Variants in PCDHGA3 observed in about 807,000 individuals in gnomAD.
PCDHGA3 encodes the protein protocadherin gamma-A3.
A neutral mutation model predicts 58.5 loss-of-function variants in PCDHGA3; 40 were observed. The observed-to-expected ratio is 0.68, with a 90% CI of 0.53 to 0.89. The LOEUF (loss-of-function observed/expected upper bound fraction) is 0.89, where lower values mean the gene tolerates loss of function less well. Ranked by LOEUF, PCDHGA3 falls within the 40% of genes least tolerant of loss-of-function variation. The pLI, the probability that PCDHGA3 is intolerant of heterozygous loss-of-function variation, is 0.00. For missense variants in PCDHGA3, 1,223 were observed against 1,195.9 expected, an observed-to-expected ratio of 1.02 and a Z score of -0.33; for synonymous variants, 530 against 525.7, an observed-to-expected ratio of 1.01 and a Z score of -0.11.
At chr5:141,370,333 C>T in intron 1 of PCDHGA3, 1 of 1,435,660 alleles carries the variant, frequency 7.0e-7, no homozygotes, top group Non-Finnish European at 9.4e-7. Flanking sequence ...TCGGAGAACT[C>T]TTGGGATTAT....
chr5:141,417,896 C>G, intron 1 of PCDHGA3: 1 of 1,576,868 alleles, frequency 6.3e-7, no homozygotes, highest in Non-Finnish European at 8.6e-7. Flanking sequence ...CCGGGCCGGC[C>G]CGCGGCAGGT....
Position 141,485,064 on chromosome 5 carries a change from G to C in PCDHGA3, c.2425-9743G>C, listed in dbSNP as rs1205637757. On this transcript the variant is annotated intron_variant, in intron 1 of 3. Transcript: ENST00000253812. The surrounding 1 kb of genome is among the most constrained non-coding windows in gnomAD (Gnocchi z 5.7). ...TTGCGGCGCCGGCCGAACCGCGCCA[G>C]AGCTGGCGCGGGGAAAGGGAGATAG... The C allele has an allele frequency of 4.9e-5, 43 of 882,320 alleles. No individual in the cohort carries two copies. The highest frequency in any genetic ancestry group is 7.4e-5 in the Non-Finnish European group (41 of 557,230). 54.7% of individuals were successfully genotyped at this position (882,320 alleles called of 1,614,324 possible).
At chr5:141,453,652 T>C (rs1302902554) in intron 1 of PCDHGA3, among the ~76,000 whole-genome samples, 1 of 152,252 alleles carries the variant, frequency 6.6e-6, no homozygotes, top group Non-Finnish European at 1.5e-5. Context: ...TTATGTCCTC[T>C]TCTTTCTTAC....
intron 1 of PCDHGA3, chr5:141,433,358 C>CCCAT (rs1554125967): frequency 7.1e-5 from 36 of 503,934 alleles, no homozygotes; most frequent in African/African-American, 1.2e-4. Flanking sequence ...CTACTGTCTG[C>CCCAT]CTATCTATCT....
chr5:141,356,378 C>T (rs749531855), intron 1 of PCDHGA3: 2 of 1,565,028 alleles, frequency 1.3e-6, no homozygotes, highest in South Asian at 2.3e-5. Flanking sequence ...CTGCCATTCA[C>T]ACTTGAAAAG....
In PCDHGA3 at chr5:141,393,242, C is replaced by T. The variant is rs151037104; in HGVS notation, c.2424+46785C>T. 1,015 of 1,613,778 alleles carry T rather than the reference C, an allele frequency of 6.3e-4. 8 individuals carry two copies. The African/African-American group carries it at 0.012, about 18-fold the overall frequency. ...TCGAAGATCTAGAAGTAAAAATTAA[C>T]GAAATCGCGGTTCCTGGAGCACGTT... is the stretch of plus-strand genomic sequence containing the variant. On this transcript the variant is annotated intron_variant, in intron 1 of 3. Coordinates refer to ENST00000253812, the MANE Select transcript of PCDHGA3 (RefSeq NM_018916.4).
At chr5:141,414,155 A>G in intron 1 of PCDHGA3, 1 of 1,601,706 alleles carries the variant, frequency 6.2e-7, no homozygotes, top group Non-Finnish European at 8.5e-7. Context: ...CAAGCAGAAG[A>G]TGGAGGAGCA....
intron 1 of PCDHGA3, among the ~76,000 whole-genome samples, chr5:141,474,102 AAAC>A (rs909174523): frequency 2.6e-4 from 40 of 152,286 alleles, no homozygotes; most frequent in African/African-American, 8.7e-4. Flanking sequence ...ACAACAACAA[AAAC>A]AACAACAACG....
At chr5:141,398,709 G>A (rs1202607096) in intron 1 of PCDHGA3, 1 of 1,613,714 alleles carries the variant, frequency 6.2e-7, no homozygotes, top group Non-Finnish European at 8.5e-7. Context: ...ACCCGGAACT[G>A]GCACTGGAGA....
intron 1 of PCDHGA3, chr5:141,395,402 C>T (rs1012676021): frequency 5.9e-6 from 5 of 846,250 alleles, no homozygotes; most frequent in Non-Finnish European, 8.7e-6. Context: ...CTCTAATAGT[C>T]ATAGGTTATT....
At chr5:141,351,784 G>A (rs1051132518) in intron 1 of PCDHGA3, 1 of 1,613,452 alleles carries the variant, frequency 6.2e-7, no homozygotes, top group Non-Finnish European at 8.5e-7. Flanking sequence ...CGCAGAGCGG[G>A]GTGGTGTTCG....
chr5:141,378,227 A>G (rs1774726852), intron 1 of PCDHGA3: 1 of 152,200 alleles, frequency 6.6e-6, no homozygotes, highest in Non-Finnish European at 1.5e-5. Flanking sequence ...GCCTGATAGT[A>G]TTTAAGAGTG....
intron 1 of PCDHGA3, chr5:141,384,465 T>A (rs1561602415): frequency 6.2e-7 from 1 of 1,614,118 alleles, no homozygotes; most frequent in Non-Finnish European, 8.5e-7. Flanking sequence ...CCTTTGATTA[T>A]GAGCAGTTGA....
chr5:141,428,288 A>G (rs1413902705), intron 1 of PCDHGA3: 1 of 728,846 alleles, frequency 1.4e-6, no homozygotes, highest in Middle Eastern at 2.3e-4. Flanking sequence ...TCCCAAGCAA[A>G]GCTGCAGATT....
intron 1 of PCDHGA3, chr5:141,408,692 ATAAAC>A: frequency 1.2e-6 from 2 of 1,613,906 alleles, no homozygotes; most frequent in Non-Finnish European, 1.7e-6. Flanking sequence ...TGATATAAAC[ATAAAC>A]TCAATTAAAG....
rs752660538 is a variant in PCDHGA3 at position 141,486,495 on chromosome 5, T to C, written c.2425-8312T>C. 1 of 1,614,074 alleles carries C rather than the reference T, an allele frequency of 6.2e-7. No individual in the cohort carries two copies. The highest frequency in any genetic ancestry group is 8.5e-7 in the Non-Finnish European group (1 of 1,179,922). On this transcript the variant is annotated intron_variant, in intron 1 of 3. Transcript: ENST00000253812. The surrounding 1 kb of genome is among the most constrained non-coding windows in gnomAD (Gnocchi z 5.0). ...CCTCCTCTCAGTACCCACAGAACTA[T>C]TTTCCTCAATATTTCAGATGTGAAT...
At chr5:141,384,058 C>T (rs1246180478) in intron 1 of PCDHGA3, 2 of 1,609,504 alleles carry the variant, frequency 1.2e-6, no homozygotes, top group Non-Finnish European at 1.7e-6. Context: ...CTGCACCATT[C>T]CAGAAAACCT....
intron 1 of PCDHGA3, chr5:141,423,072 G>A: frequency 1.2e-6 from 2 of 1,614,120 alleles, no homozygotes; most frequent in Non-Finnish European, 1.7e-6. Flanking sequence ...CCAGCGAGCC[G>A]GGACTCTTCG....
At chr5:141,475,764 C>T (rs2154573514) in intron 1 of PCDHGA3, among the ~76,000 whole-genome samples, 1 of 152,380 alleles carries the variant, frequency 6.6e-6, no homozygotes, top group South Asian at 2.1e-4. Flanking sequence ...CCGATACTGG[C>T]AAGGCGCTTT....
Sources: gnomAD v4.1 joint callset for allele counts (sites outside exome capture counted in the v4.1 genomes callset) on GRCh38, gnomAD v4.1.1 for gene constraint, Gnocchi (gnomAD v3.1) non-coding constraint, MANE v1.5 for transcripts, NCBI Gene and HGNC (gene_info 2026-07-23, HGNC 2026-07-21) for gene names.